Variants in KANSL1L observed in about 807,000 individuals in gnomAD.
KANSL1L encodes the protein KAT8 regulatory NSL complex subunit 1 like, also known as KAT8 regulatory NSL complex subunit 1-like protein.
In KANSL1L, 25 loss-of-function variants were observed where a neutral mutation model predicts 108.6. The ratio of observed to expected loss-of-function variants is 0.23; its 90% CI spans 0.17 to 0.32. KANSL1L has a LOEUF of 0.32. Ranked by LOEUF, KANSL1L falls within the 10% of genes least tolerant of loss-of-function variation. The probability of loss-of-function intolerance (pLI) is 1.00; values close to 1 mark genes in which losing one functional copy is unlikely to be tolerated. For missense variants in KANSL1L, 1,137 were observed against 1,125.7 expected (o/e 1.01, Z -0.14); for synonymous variants, 405 against 395.1 (o/e 1.03, Z -0.30).
chr2:210,021,990 G>C lies in KANSL1L; in HGVS notation c.*959C>G, dbSNP rs759340049. 1.1e-4 allele frequency: 17 copies of C among 149,070 alleles called. No individual in the cohort carries two copies. The highest frequency in any genetic ancestry group is 2.0e-4 in the African/African-American group (8 of 40,186). The allele number at this position is 149,070 out of a possible 1,614,324, so 9.2% of individuals were successfully genotyped here. A position where few individuals can be genotyped will look rare whatever the true frequency, so the allele number is the denominator to read the frequency against. On this transcript the variant is annotated 3_prime_UTR_variant, in exon 15 of 15. Coordinates refer to ENST00000281772, the MANE Select transcript of KANSL1L (RefSeq NM_152519.4). Reference sequence around the variant, plus strand: ...AATTAACTAATTTCTTGCTAATCTAGAAATACAATCATCTTTTTTTTTTTT... The same window carrying C: ...AATTAACTAATTTCTTGCTAATCTACAAATACAATCATCTTTTTTTTTTTT...
rs796956187 is a variant in KANSL1L, at chr2:210,079,700, GTATATATA to G, written c.1551-3952_1551-3945del. 6.9e-4 allele frequency: 52 copies of G among 75,758 alleles called. 4 individuals are homozygous for G. The highest frequency in any genetic ancestry group is 3.4e-3 in the African/African-American group (51 of 15,068). The allele number at this position is 75,758 out of a possible 1,614,324, so 4.7% of individuals were successfully genotyped here. ...TATATATATATATATATGTATGTGT[GTATATATA>G]TATATATATATATATATGGTTATCA... is the stretch of plus-strand genomic sequence containing the variant. On this transcript the variant is annotated intron_variant, in intron 5 of 14. Coordinates refer to ENST00000281772, the MANE Select transcript of KANSL1L (RefSeq NM_152519.4).
Position 210,040,430 on chromosome 2 carries a change from A to G in KANSL1L, c.2019T>C (p.Ser673=). 1 of 1,405,040 alleles carries G rather than the reference A, an allele frequency of 7.1e-7. No individual in the cohort carries two copies. The highest frequency in any genetic ancestry group is 1.0e-6 in the Non-Finnish European group (1 of 991,902). The allele number at this position is 1,405,040 out of a possible 1,614,324, so 87.0% of individuals were successfully genotyped here. The change falls in exon 8 of 15, where the codon TCT becomes TCC. Residue 673 remains serine, a synonymous_variant. Transcript: ENST00000281772. Reference sequence around the variant, plus strand: ...GTAAATGTGACATACCAGGTGATGGAGATATGATATATTCATCTACAAATT... The same window carrying G: ...GTAAATGTGACATACCAGGTGATGGGGATATGATATATTCATCTACAAATT... ...ENKFVDEYII[S]PSPVHSTLNQ...
intron 2 of KANSL1L, among the ~76,000 whole-genome samples, chr2:210,139,243 C>A (rs948578751): frequency 6.6e-6 from 1 of 152,214 alleles, no homozygotes; most frequent in Non-Finnish European, 1.5e-5. Flanking sequence ...ACTATGCTGA[C>A]CATCTCCAGA....
At chr2:210,098,272 A>G (rs2094758363) in intron 4 of KANSL1L, 65 bp from the exon 5 acceptor site, 3 of 1,478,602 alleles carry the variant, frequency 2.0e-6, no homozygotes, top group South Asian at 2.5e-5. Context: ...GCTCAGATGC[A>G]TAGTGCCAAT....
chr2:210,131,951 C>G (rs924217485), intron 2 of KANSL1L, among the ~76,000 whole-genome samples: 1 of 152,120 alleles, frequency 6.6e-6, no homozygotes, highest in African/African-American at 2.4e-5. Flanking sequence ...CCCGCCTCGG[C>G]CTCCCAAAGT....
chr2:210,027,491 A>G, intron 11 of KANSL1L, 141 bp from the exon 12 acceptor site: 1 of 612,500 alleles, frequency 1.6e-6, no homozygotes, highest in South Asian at 2.2e-5. Flanking sequence ...TAATTTTTTA[A>G]AAGAAAAACA....
intron 3 of KANSL1L, among the ~76,000 whole-genome samples, chr2:210,126,525 A>C (rs905197109): frequency 6.6e-6 from 1 of 152,132 alleles, no homozygotes; most frequent in Non-Finnish European, 1.5e-5. Flanking sequence ...AAAAAAACAC[A>C]AATCTAGAGT....
chr2:210,032,007 T>G (rs2094024228), intron 8 of KANSL1L, among the ~76,000 whole-genome samples: 2 of 152,190 alleles, frequency 1.3e-5, no homozygotes, highest in Non-Finnish European at 2.9e-5. Flanking sequence ...GCAGCGACCT[T>G]GGATAATGAT....
intron 3 of KANSL1L, among the ~76,000 whole-genome samples, chr2:210,110,229 C>A (rs551985344): frequency 2.4e-4 from 36 of 152,172 alleles, no homozygotes; most frequent in Non-Finnish European, 4.3e-4. Context: ...ATGGAAAATC[C>A]ACATTCTTAA....
chr2:210,107,535 T>TA (rs144902334), intron 3 of KANSL1L, among the ~76,000 whole-genome samples: 2,422 of 106,336 alleles, frequency 0.023, 60 homozygotes, highest in African/African-American at 0.076. Flanking sequence ...TATATATATA[T>TA]TTTTTTTTTT....
intron 3 of KANSL1L, among the ~76,000 whole-genome samples, chr2:210,120,875 G>A (rs550986665): frequency 4.6e-5 from 7 of 151,916 alleles, no homozygotes; most frequent in South Asian, 4.2e-4. Flanking sequence ...ACATACATGC[G>A]GCCAAAAATC....
In KANSL1L at chr2:210,154,559, T is replaced by G. The variant is rs751778318; in HGVS notation, c.24A>C (p.Ala8=). 1.9e-6 allele frequency: 3 copies of G among 1,540,260 alleles called. No individual in the cohort carries two copies. Among genetic ancestry groups the G allele is most frequent in the Non-Finnish European group, 2.6e-6 (3 of 1,143,588 alleles). The part of the protein sequence containing the change: MTPALRE[A]TAKGISFSSL... ...ATGAAAAGCTGATACCCTTTGCTGT[T>G]GCCTCCCTCAGAGCTGGGGTCATGG... The change falls in exon 2 of 15, where the codon GCA becomes GCC. Residue 8 remains alanine, a synonymous_variant. Transcript: ENST00000281772.
At chr2:210,107,687 C>T (rs980679319) in intron 3 of KANSL1L, among the ~76,000 whole-genome samples, 2 of 151,736 alleles carry the variant, frequency 1.3e-5, no homozygotes, top group Non-Finnish European at 2.9e-5. Context: ...CGCCACCACG[C>T]CCGGCTAATT....
chr2:210,086,555 T>G (rs902837124), intron 5 of KANSL1L, among the ~76,000 whole-genome samples: 2 of 151,810 alleles, frequency 1.3e-5, no homozygotes, highest in African/African-American at 2.4e-5. Flanking sequence ...AGATAGGAGT[T>G]AGTAATCAAT....
intron 7 of KANSL1L, 82 bp from the exon 8 acceptor site, chr2:210,040,609 T>C (rs1490250410): frequency 1.7e-6 from 1 of 600,046 alleles, no homozygotes; most frequent in Non-Finnish European, 2.8e-6. Context: ...TTAAAATTGC[T>C]TTCTTTCTAT....
At chr2:210,134,291 G>A (rs1333401510) in intron 2 of KANSL1L, among the ~76,000 whole-genome samples, 3 of 151,912 alleles carry the variant, frequency 2.0e-5, no homozygotes, top group Admixed American at 1.3e-4. Flanking sequence ...TTAAGTCCTT[G>A]AGCATATTTA....
rs2094569417 is a variant in KANSL1L at position 210,079,642 on chromosome 2, A to ATATATATGTATGTG, written c.1551-3887_1551-3886insCACATACATATATA. ...TATATATATATATATATATATATAT[A>ATATATATGTATGTG]TATATATATATATATATATATATGT... On this transcript the variant is annotated intron_variant, in intron 5 of 14. Coordinates refer to ENST00000281772, the MANE Select transcript of KANSL1L (RefSeq NM_152519.4). Among the ~76,000 whole-genome samples the ATATATATGTATGTG allele has an allele frequency of 1.4e-3, 9 of 6,482 alleles. 1 individual carries two copies. Among genetic ancestry groups the ATATATATGTATGTG allele is most frequent in the Middle Eastern group, 0.12 (1 of 8 alleles). The allele number at this position is 6,482 out of a possible 152,430, so 4.3% of individuals were successfully genotyped here. A position where few individuals can be genotyped will look rare whatever the true frequency, so the allele number is the denominator to read the frequency against.
At position 210,027,328 on chromosome 2, in the gene KANSL1L, G is replaced by T; in HGVS notation, c.2419C>A (p.Pro807Thr). 6.2e-7 allele frequency: 1 copy of T among 1,612,656 alleles called. No homozygotes were observed. The highest frequency in any genetic ancestry group is 8.5e-7 in the Non-Finnish European group (1 of 1,178,846). Residue 807 changes from proline to threonine, a missense_variant, in exon 12 of 15, where the codon CCT becomes ACT. Physicochemically the swap from Pro to Thr is conservative, Grantham distance 38 (BLOSUM62 -1). Coordinates refer to ENST00000281772, the MANE Select transcript of KANSL1L (RefSeq NM_152519.4). ...TTGCCTAAATTATATTCATCCAAAG[G>T]CTGAAGAACAACCATCCTCCAGCTG... ...TPSWRMVVLQ[P>T]LDEYNLGKEE...
chr2:210,137,613 T>G (rs2095186418), intron 2 of KANSL1L, among the ~76,000 whole-genome samples: 1 of 152,214 alleles, frequency 6.6e-6, no homozygotes, highest in African/African-American at 2.4e-5. Context: ...TTTTAAATGA[T>G]CCTGATGCTT....
Sources: allele counts gnomAD v4.1 joint callset (sites outside exome capture counted in the v4.1 genomes callset), GRCh38; gene constraint gnomAD v4.1.1; transcripts MANE v1.5; gene names NCBI Gene and HGNC (gene_info 2026-07-23, HGNC 2026-07-21).